CBARP: variants seen among roughly 807,000 people sequenced by gnomAD.
CBARP encodes the protein CACN subunit beta associated regulatory protein.
Under a neutral mutation model 36.3 loss-of-function variants are expected in CBARP, and 24 were observed. That is an observed-to-expected ratio of 0.66 (90% CI 0.48 to 0.93). CBARP has a LOEUF of 0.93. CBARP is among the 40% of genes least tolerant of loss of function. The pLI is 0.00. For synonymous variants in CBARP, 586 were observed against 453.2 expected, an observed-to-expected ratio of 1.29 and a Z score of -3.72; for missense variants, 1,146 against 980.4, an observed-to-expected ratio of 1.17 and a Z score of -2.26.
At chr19:1,231,458 G>C (rs1241978441) in intron 8 of CBARP, among the ~76,000 whole-genome samples, 183 bp from the exon 9 acceptor site, 6 of 90,062 alleles carry the variant, frequency 6.7e-5, no homozygotes, top group South Asian at 3.7e-4. Context: ...CAACGCCTGG[G>C]CCCCCCCCAC....
rs2080939327 is a variant in CBARP at position 1,234,661 on chromosome 19, G to A, written c.537C>T (p.Val179=). 1.9e-6 allele frequency: 3 copies of A among 1,612,382 alleles called. No homozygotes were observed. The highest frequency in any genetic ancestry group is 1.3e-5 in the African/African-American group (1 of 74,928). ...CGCCTGAGTCACACTCGTGGATGGT[G>A]ACAATCTTGAGGGGCGGCAGGTGCA... ...THLHLPPLKI[V]TIHECDSGEA... Residue 179 remains valine (V), a synonymous_variant, in exon 6 of 10, where the codon GTC becomes GTT. Coordinates refer to ENST00000650044, the MANE Select transcript of CBARP (RefSeq NM_001393918.1).
chr19:1,231,004 G>T, intron 9 of CBARP, 97 bp downstream of exon 9: 1 of 1,543,688 alleles, frequency 6.5e-7, no homozygotes, highest in Non-Finnish European at 8.7e-7. Flanking sequence ...GCGTGTCCAC[G>T]GGGCCTGGAG....
intron 9 of CBARP, 25 bp downstream of exon 9, chr19:1,231,076 A>G (rs1484140194): frequency 6.3e-7 from 1 of 1,588,182 alleles, no homozygotes; most frequent in East Asian, 2.3e-5. Flanking sequence ...GTCCACCCCT[A>G]GCACCTCCAT....
chr19:1,236,041 T>TGTGGCA lies in CBARP; in HGVS notation c.54_59dup (p.Ala19_Thr20dup). ...TGTCCCACGACGTCGTCAGGGCTACTGTGGCAGTGGTGGTGGTGGTGGTGG... is the reference window on the plus strand; with the variant it reads ...TGTCCCACGACGTCGTCAGGGCTACTGTGGCAGTGGCAGTGGTGGTGGTGGTGGTGG... On this transcript the variant is annotated inframe_insertion, in exon 2 of 10. Transcript: ENST00000650044. 1 of 1,535,226 alleles carries TGTGGCA rather than the reference T, an allele frequency of 6.5e-7. No homozygotes were observed. The highest frequency in any genetic ancestry group is 8.8e-7 in the Non-Finnish European group (1 of 1,141,694).
intron 8 of CBARP, among the ~76,000 whole-genome samples, chr19:1,232,343 G>C (rs2080905280): frequency 1.3e-5 from 2 of 152,120 alleles, no homozygotes; most frequent in Non-Finnish European, 2.9e-5. Context: ...ACCCCCGCTG[G>C]CTGGAGCCAC....
In CBARP at chr19:1,235,107, C is replaced by T; in HGVS notation, c.349G>A (p.Ala117Thr). 6.2e-7 allele frequency: 1 copy of T among 1,604,136 alleles called. No homozygotes were observed. The highest frequency in any genetic ancestry group is 8.5e-7 in the Non-Finnish European group (1 of 1,175,998). Reference sequence around the variant, plus strand: ...GTGGACAGGAAGCGTTCGGTCTCCGCATCCTGGCACTCGGGGTCCTCTCCC... The same window carrying T: ...GTGGACAGGAAGCGTTCGGTCTCCGTATCCTGGCACTCGGGGTCCTCTCCC... ...FRGEDPECQDAETERFLSTSS... is the reference protein window; with the variant it reads ...FRGEDPECQDTETERFLSTSS... The change falls in exon 5 of 10, where the codon GCG (alanine) becomes ACG (threonine). Residue 117 changes from alanine to threonine, a missense_variant. By Grantham distance (58) the Ala-to-Thr change is moderately conservative. Coordinates refer to ENST00000650044, the MANE Select transcript of CBARP (RefSeq NM_001393918.1).
intron 1 of CBARP, among the ~76,000 whole-genome samples, chr19:1,236,516 C>T (rs1291443913): frequency 6.6e-6 from 1 of 152,032 alleles, no homozygotes; most frequent in Non-Finnish European, 1.5e-5. Context: ...TCCAGACGCC[C>T]TGTCCGCCCC....
intron 1 of CBARP, among the ~76,000 whole-genome samples, chr19:1,236,459 T>G (rs2080974961): frequency 6.6e-6 from 1 of 152,054 alleles, no homozygotes; most frequent in Non-Finnish European, 1.5e-5. Context: ...GGGCAAGCAC[T>G]CGGAGGAATG....
chr19:1,235,361 G>C, intron 4 of CBARP, 140 bp downstream of exon 4: 3 of 1,123,040 alleles, frequency 2.7e-6, no homozygotes, highest in East Asian at 2.7e-5. Context: ...TAAGGAAACA[G>C]AGATGAGTCG....
In CBARP at chr19:1,229,572, C is replaced by T; in HGVS notation, c.1725G>A (p.Pro575=). ...CACGCTGCCACTGTTTGCGGGCGTG[C>T]GGGTGCGCGCGGGCGCGGTGTCGCG... ...AAARHRARAH[P]HARKQWQRGR... is the part of the protein sequence containing the mutation. Residue 575 remains proline (P), a synonymous_variant, in exon 10 of 10, where the codon CCG becomes CCA. Transcript: ENST00000650044. This position sits in a 1 kb window ranked among gnomAD's most constrained non-coding sequence, Gnocchi z 5.1. 4 of 1,113,846 alleles carry T rather than the reference C, an allele frequency of 3.6e-6. No individual in the cohort carries two copies. Among genetic ancestry groups the T allele is most frequent in the South Asian group, 1.7e-5 (1 of 57,414 alleles). 69.0% of individuals were successfully genotyped at this position (1,113,846 alleles called of 1,614,324 possible).
Position 1,234,653 on chromosome 19 carries a change from T to A in CBARP, c.545A>T (p.His182Leu), listed in dbSNP as rs1179945412. The A allele has an allele frequency of 6.2e-7, 1 of 1,611,942 alleles. No homozygotes were observed. Among genetic ancestry groups the A allele is most frequent in the African/African-American group, 1.3e-5 (1 of 74,896 alleles). The change falls in exon 6 of 10, where the codon CAC (histidine) becomes CTC (leucine). Residue 182 changes from histidine (H) to leucine (L), a missense_variant. Physicochemically the swap from His to Leu is moderately conservative, Grantham distance 99 (BLOSUM62 -3). Coordinates refer to ENST00000650044, the MANE Select transcript of CBARP (RefSeq NM_001393918.1). ...GCTGGCCTCGCCTGAGTCACACTCG[T>A]GGATGGTGACAATCTTGAGGGGCGG... The part of the protein sequence containing the change: ...HLPPLKIVTI[H>L]ECDSGEASSA...
At chr19:1,230,314 T>C (rs1345308230) in intron 9 of CBARP, 172 bp from the exon 10 acceptor site, 7 of 989,138 alleles carry the variant, frequency 7.1e-6, no homozygotes, top group Non-Finnish European at 8.4e-6. Context: ...GGGATGCGTC[T>C]TGCATTGACC....
intron 5 of CBARP, 78 bp from the exon 6 acceptor site, chr19:1,234,820 C>T (rs1457377628): frequency 3.2e-6 from 5 of 1,545,326 alleles, no homozygotes; most frequent in Non-Finnish European, 4.4e-6. Context: ...GCCATCCACC[C>T]TGCCGGCCTG....
At chr19:1,237,135 G>T (rs1031254885) in intron 1 of CBARP, among the ~76,000 whole-genome samples, 1 of 152,216 alleles carries the variant, frequency 6.6e-6, no homozygotes, top group Non-Finnish European at 1.5e-5. Context: ...CGAGAGGAGC[G>T]CACAGGCGGC....
intron 1 of CBARP, among the ~76,000 whole-genome samples, chr19:1,237,455 G>T (rs1215638530): frequency 2.6e-5 from 4 of 152,192 alleles, no homozygotes; most frequent in Admixed American, 2.6e-4. Context: ...GGGCAGCACC[G>T]CGCCCCCGAG....
intron 8 of CBARP, among the ~76,000 whole-genome samples, chr19:1,232,912 TC>T (rs553482739): frequency 5.9e-5 from 9 of 152,340 alleles, no homozygotes; most frequent in African/African-American, 1.9e-4. Context: ...AACACTTACT[TC>T]GTGTTAGAGG....
Position 1,232,390 on chromosome 19 carries a change from T to C in CBARP, c.979+1036A>G, listed in dbSNP as rs376531525. Among the ~76,000 whole-genome samples the C allele has an allele frequency of 8.2e-4, 125 of 152,266 alleles. 1 individual carries two copies. Among genetic ancestry groups the C allele is most frequent in the African/African-American group, 2.9e-3 (120 of 41,566 alleles). On this transcript the variant is annotated intron_variant, in intron 8 of 9. Transcript: ENST00000650044. ...TCCCACTGTCTGATGATGTGTCCTC[T>C]GTCATGCTGACAGCACCTTCTCTCT...
At chr19:1,234,155 C>T (rs534134247) in intron 7 of CBARP, 36 bp downstream of exon 7, 35 of 1,464,476 alleles carry the variant, frequency 2.4e-5, no homozygotes, top group Admixed American at 5.6e-5. Context: ...GCCTCCCCGG[C>T]TGTGGACACC....
chr19:1,233,585 C>T lies in CBARP; in HGVS notation c.820G>A (p.Gly274Arg). ...GATCCCGGGCCCGCCTCCCCAGGCCCTGCTGCAGCCCCGGGCCCTCCAGCC... is the reference window on the plus strand; with the variant it reads ...GATCCCGGGCCCGCCTCCCCAGGCCTTGCTGCAGCCCCGGGCCCTCCAGCC... Reference protein sequence around the residue: ...TKAGGPGAAAGPGEAGPGSGA... With the variant: ...TKAGGPGAAARPGEAGPGSGA... The change falls in exon 8 of 10, where the codon GGG (glycine) becomes AGG (arginine). Residue 274 changes from glycine to arginine, a missense_variant. Transcript: ENST00000650044. 6.2e-7 allele frequency: 1 copy of T among 1,610,960 alleles called. No homozygotes were observed.
Sources: gnomAD v4.1 joint callset for allele counts (sites outside exome capture counted in the v4.1 genomes callset) on GRCh38, gnomAD v4.1.1 for gene constraint, Gnocchi (gnomAD v3.1) non-coding constraint, MANE v1.5 for transcripts, NCBI Gene and HGNC (gene_info 2026-07-23, HGNC 2026-07-21) for gene names.